The following NLGN1 variants were observed in gnomAD, a reference collection of about 807,000 sequenced individuals.
NLGN1 encodes neuroligin 1, also known as neuroligin-1.
In NLGN1, 12 loss-of-function variants were observed where a neutral mutation model predicts 65.5. The observed-to-expected ratio is 0.18, with a 90% CI of 0.12 to 0.30. The LOEUF is 0.30. NLGN1 is among the 10% of genes least tolerant of loss of function. NLGN1 has a pLI of 1.00. For synonymous variants in NLGN1, 350 were observed against 359.5 expected (o/e 0.97, Z 0.30); for missense variants, 750 against 1,007.1 (o/e 0.74, Z 3.46).
At chr3:173,429,648 G>C (rs1381174675) in intron 1 of NLGN1, among the ~76,000 whole-genome samples, 1 of 152,154 alleles carries the variant, frequency 6.6e-6, no homozygotes, top group Non-Finnish European at 1.5e-5. Flanking sequence ...TGTATGACTA[G>C]AAGTCCTGTG....
chr3:174,278,165 A>G (rs1750933234), intron 5 of NLGN1, among the ~76,000 whole-genome samples: 1 of 151,950 alleles, frequency 6.6e-6, no homozygotes, highest in African/African-American at 2.4e-5. Flanking sequence ...CCCCACACTA[A>G]ATCTTTCTGC....
intron 2 of NLGN1, among the ~76,000 whole-genome samples, chr3:173,577,312 T>C (rs1042841459): frequency 6.6e-6 from 1 of 152,220 alleles, no homozygotes; most frequent in African/African-American, 2.4e-5. Context: ...TGTTATCACA[T>C]AAACCATCTA....
chr3:173,871,068 T>C (rs922261653), intron 4 of NLGN1, among the ~76,000 whole-genome samples: 2 of 152,136 alleles, frequency 1.3e-5, no homozygotes, highest in Admixed American at 1.3e-4. Context: ...CTTGAGTTAA[T>C]AATAGGTCAT....
intron 2 of NLGN1, among the ~76,000 whole-genome samples, chr3:173,437,259 C>T (rs1379495014): frequency 6.6e-6 from 1 of 152,164 alleles, no homozygotes; most frequent in African/African-American, 2.4e-5. Context: ...AGATGTTCAG[C>T]TGTTGGTATT....
chr3:173,559,928 T>C (rs928658357), intron 2 of NLGN1, among the ~76,000 whole-genome samples: 1 of 150,920 alleles, frequency 6.6e-6, no homozygotes, highest in Admixed American at 6.6e-5. Flanking sequence ...ATAATGTTAC[T>C]TTGTCTAGAT....
In NLGN1 at chr3:173,717,955, A is replaced by G. The variant is rs546820942; in HGVS notation, c.494-89725A>G. Among the ~76,000 whole-genome samples, 36 of 152,286 alleles carry G rather than the reference A, an allele frequency of 2.4e-4. 1 individual carries two copies. The South Asian group carries it at 7.3e-3, about 31-fold the overall frequency. ...TACAAGGGTAAGAGTGTTACAAATT[A>G]GAACATTTTCAAACATTTGAGAATG... On this transcript the variant is annotated intron_variant, in intron 3 of 6. Transcript: ENST00000457714.
chr3:174,170,039 C>G (rs1375454396), intron 4 of NLGN1, among the ~76,000 whole-genome samples: 2 of 152,066 alleles, frequency 1.3e-5, no homozygotes, highest in African/African-American at 4.8e-5. Context: ...TTTGAACAAC[C>G]AGACACCATC....
chr3:173,746,869 C>G (rs1176906714), intron 3 of NLGN1, among the ~76,000 whole-genome samples: 1 of 151,698 alleles, frequency 6.6e-6, no homozygotes. Flanking sequence ...ATAACAAGAT[C>G]TTCTCCCTAC....
intron 4 of NLGN1, among the ~76,000 whole-genome samples, chr3:174,211,483 G>T (rs1441197191): frequency 2.0e-5 from 3 of 151,646 alleles, no homozygotes; most frequent in Non-Finnish European, 4.4e-5. Flanking sequence ...CAAACCTTGA[G>T]CTAAACACAG....
chr3:173,665,218 A>G (rs748641919), intron 3 of NLGN1, among the ~76,000 whole-genome samples: 1 of 152,056 alleles, frequency 6.6e-6, no homozygotes, highest in East Asian at 1.9e-4. Context: ...GGTTCCTCCA[A>G]GTTGCTCTCA....
intron 2 of NLGN1, among the ~76,000 whole-genome samples, chr3:173,589,439 T>C (rs1234074159): frequency 1.3e-5 from 2 of 152,178 alleles, no homozygotes; most frequent in Non-Finnish European, 2.9e-5. Context: ...CCTCTACCTA[T>C]AATTCTGTTT....
intron 1 of NLGN1, among the ~76,000 whole-genome samples, chr3:173,428,766 A>G (rs563394051): frequency 7.8e-4 from 118 of 152,048 alleles, no homozygotes; most frequent in African/African-American, 2.8e-3. Context: ...TTCATTTTGC[A>G]CATTAACATT....
At position 173,782,020 on chromosome 3, in the gene NLGN1, T is replaced by C. The variant is rs565170903; in HGVS notation, c.494-25660T>C. On this transcript the variant is annotated intron_variant, in intron 3 of 6. Transcript: ENST00000457714. Reference sequence around the variant, plus strand: ...GTAGATCAATTTATTTCTCCTTGCTTTTTTAGTTACTTTTATTGAAAGTGT... The same window carrying C: ...GTAGATCAATTTATTTCTCCTTGCTCTTTTAGTTACTTTTATTGAAAGTGT... 4.6e-4 allele frequency among the ~76,000 whole-genome samples: 70 copies of C among 152,324 alleles called. No individual in the cohort carries two copies. The Middle Eastern group carries it at 0.014, about 30-fold the overall frequency.
intron 3 of NLGN1, among the ~76,000 whole-genome samples, chr3:173,672,679 A>G (rs1262806907): frequency 6.6e-6 from 1 of 152,168 alleles, no homozygotes; most frequent in Non-Finnish European, 1.5e-5. Flanking sequence ...TCTCCTGACC[A>G]TGTAAGACGC....
chr3:173,500,248 GT>G lies in NLGN1; in HGVS notation c.-321+65173del, dbSNP rs528115506. On this transcript the variant is annotated intron_variant, in intron 2 of 6. Coordinates refer to ENST00000457714, the Ensembl canonical transcript of NLGN1. ...CCCATGAATACCTAATTTATTGAGAGTTTGTAGCATGAAAGGTTGTTGAATT... is the reference window on the plus strand; with the variant it reads ...CCCATGAATACCTAATTTATTGAGAGTTGTAGCATGAAAGGTTGTTGAATT... Among the ~76,000 whole-genome samples the G allele has an allele frequency of 3.2e-4, 49 of 152,292 alleles. No individual in the cohort carries two copies. The South Asian group carries it at 9.7e-3, about 30-fold the overall frequency.
intron 2 of NLGN1, among the ~76,000 whole-genome samples, chr3:173,536,421 A>AAAAAAGT (rs1338434254): frequency 1.3e-5 from 2 of 152,056 alleles, no homozygotes; most frequent in African/African-American, 2.4e-5. Flanking sequence ...ACCTGGGGGA[A>AAAAAAGT]AAAAAGTAAA....
chr3:174,018,712 A>T (rs1727123913), intron 4 of NLGN1, among the ~76,000 whole-genome samples: 1 of 152,144 alleles, frequency 6.6e-6, no homozygotes, highest in Non-Finnish European at 1.5e-5. Flanking sequence ...TGAAATATCC[A>T]GTGGTGCTCA....
intron 4 of NLGN1, among the ~76,000 whole-genome samples, chr3:174,115,395 G>A (rs1196446250): frequency 1.3e-5 from 2 of 152,136 alleles, no homozygotes; most frequent in African/African-American, 2.4e-5. Flanking sequence ...TTCGATCTCA[G>A]CTGTTATTTA....
chr3:173,664,771 A>G (rs1761465130), intron 3 of NLGN1, among the ~76,000 whole-genome samples: 1 of 152,126 alleles, frequency 6.6e-6, no homozygotes, highest in African/African-American at 2.4e-5. Context: ...AAGATCATTC[A>G]ATTAGTGAGT....
Sources: allele counts gnomAD v4.1 joint callset (sites outside exome capture counted in the v4.1 genomes callset), GRCh38; gene constraint gnomAD v4.1.1; transcripts MANE v1.5; gene names NCBI Gene and HGNC (gene_info 2026-07-23, HGNC 2026-07-21).